Variants in RBFOX1 observed in about 807,000 individuals in gnomAD.
RBFOX1 encodes the protein RNA binding fox-1 homolog 1, also known as RNA binding protein fox-1 homolog 1.
Under a neutral mutation model 57.7 loss-of-function variants are expected in RBFOX1, and 8 were observed. That is an observed-to-expected ratio of 0.14 (90% CI 0.08 to 0.25). RBFOX1 has a LOEUF of 0.25. Ranked by LOEUF, RBFOX1 falls within the 10% of genes least tolerant of loss-of-function variation. The probability of loss-of-function intolerance (pLI) is 1.00; values close to 1 mark genes in which losing one functional copy is unlikely to be tolerated. For missense variants in RBFOX1, 611 were observed against 548.5 expected (o/e 1.11, Z -1.14); for synonymous variants, 326 against 222.4 (o/e 1.47, Z -4.15).
At chr16:6,461,624 A>G (rs1393881424) in intron 2 of RBFOX1, among the ~76,000 whole-genome samples, 1 of 152,198 alleles carries the variant, frequency 6.6e-6, no homozygotes, top group Non-Finnish European at 1.5e-5. Context: ...TTTTTTGTTC[A>G]AACTAAGAAT....
chr16:6,768,444 G>C (rs988270074), intron 3 of RBFOX1, among the ~76,000 whole-genome samples: 3 of 151,742 alleles, frequency 2.0e-5, no homozygotes, highest in African/African-American at 7.3e-5. Context: ...CAGAGAGAGA[G>C]GGAAAATTCC....
intron 3 of RBFOX1, among the ~76,000 whole-genome samples, chr16:7,022,040 TTC>T (rs2039427020): frequency 1.7e-5 from 1 of 58,174 alleles, no homozygotes; most frequent in African/African-American, 7.3e-5. Flanking sequence ...TCCCCTCCCC[TTC>T]CCCCTCCCCT....
At chr16:6,499,847 A>C (rs894012903) in intron 2 of RBFOX1, among the ~76,000 whole-genome samples, 2 of 152,168 alleles carry the variant, frequency 1.3e-5, no homozygotes, top group Non-Finnish European at 2.9e-5. Flanking sequence ...TGTTGCTAAC[A>C]GCTGAATGAA....
chr16:6,410,626 G>T (rs7498552), intron 2 of RBFOX1, among the ~76,000 whole-genome samples: 16,411 of 152,020 alleles, frequency 0.11, 2,020 homozygotes, highest in African/African-American at 0.29. Flanking sequence ...GAGGCCCTGC[G>T]CTAGGAGGAC....
rs142681409 is a variant in RBFOX1 at position 6,847,458 on chromosome 16, G to T, written c.-16+192808G>T. On this transcript the variant is annotated intron_variant, in intron 3 of 15. Transcript: ENST00000550418. ...TCTGTCATCATCTTCACAGCAATGG[G>T]GAGCCACAGGGGGTGGGCTGGAATC... is the stretch of plus-strand genomic sequence containing the variant. Among the ~76,000 whole-genome samples the T allele has an allele frequency of 2.2e-3, 341 of 152,120 alleles. 1 individual carries two copies. Among genetic ancestry groups the T allele is most frequent in the African/African-American group, 7.5e-3 (313 of 41,522 alleles).
intron 3 of RBFOX1, among the ~76,000 whole-genome samples, chr16:5,683,687 A>G (rs1042553320): frequency 6.6e-6 from 1 of 151,492 alleles, no homozygotes; most frequent in Non-Finnish European, 1.5e-5. Context: ...CACACGGCCT[A>G]TTGTGGTCTT....
intron 3 of RBFOX1, among the ~76,000 whole-genome samples, chr16:6,726,436 G>A (rs1274426733): frequency 1.4e-5 from 2 of 147,676 alleles, no homozygotes; most frequent in South Asian, 2.1e-4. Flanking sequence ...ATAAAATCAC[G>A]ACTTGTCTTA....
intron 3 of RBFOX1, among the ~76,000 whole-genome samples, chr16:6,971,992 G>A (rs534126254): frequency 2.0e-5 from 3 of 152,274 alleles, no homozygotes; most frequent in Non-Finnish European, 2.9e-5. Flanking sequence ...ATCCCTGCAC[G>A]CAAGTTTTAC....
chr16:7,049,991 C>T (rs1224395460), intron 3 of RBFOX1, among the ~76,000 whole-genome samples: 10 of 152,178 alleles, frequency 6.6e-5, no homozygotes, highest in Non-Finnish European at 4.4e-5. Flanking sequence ...ACCTCATACC[C>T]ATTAAGCAGT....
intron 1 of RBFOX1, among the ~76,000 whole-genome samples, chr16:6,280,856 C>A (rs998411697): frequency 6.6e-6 from 1 of 151,802 alleles, no homozygotes; most frequent in Admixed American, 6.6e-5. Context: ...TGGCTATTTC[C>A]TTTTCCTTTG....
At chr16:5,660,423 G>T (rs184351542) in intron 3 of RBFOX1, among the ~76,000 whole-genome samples, 18 of 152,310 alleles carry the variant, frequency 1.2e-4, no homozygotes, top group Admixed American at 1.1e-3. Flanking sequence ...CTCAAGGAGA[G>T]ATACTGTCCT....
chr16:5,730,554 C>A (rs72633295), intron 3 of RBFOX1, among the ~76,000 whole-genome samples: 43,041 of 151,946 alleles, frequency 0.28, 7,222 homozygotes, highest in East Asian at 0.8. Context: ...ATAATCATCA[C>A]CACTGCCATC....
intron 1 of RBFOX1, among the ~76,000 whole-genome samples, chr16:5,384,990 C>G (rs1029086855): frequency 6.6e-6 from 1 of 152,160 alleles, no homozygotes; most frequent in Non-Finnish European, 1.5e-5. Context: ...TGCAATCTTT[C>G]CCCCTCAGTG....
At chr16:7,339,807 G>C (rs2096858982) in intron 4 of RBFOX1, among the ~76,000 whole-genome samples, 1 of 152,062 alleles carries the variant, frequency 6.6e-6, no homozygotes, top group Non-Finnish European at 1.5e-5. Context: ...TGGTTAAAGG[G>C]GGAAAAAAAG....
intron 1 of RBFOX1, among the ~76,000 whole-genome samples, chr16:6,235,558 A>ATGTGTGTGTG (rs3064942): frequency 3.3e-4 from 49 of 147,256 alleles, no homozygotes; most frequent in African/African-American, 1.2e-3. Flanking sequence ...GCGTGTATGT[A>ATGTGTGTGTG]TGTGTGTGTG....
chr16:5,600,478 G>T (rs1848174), downstream of RBFOX1, among the ~76,000 whole-genome samples: 2 of 139,568 alleles, frequency 1.4e-5, no homozygotes, highest in East Asian at 4.2e-4. Flanking sequence ...CAGAGTAAGA[G>T]CCTGTCTCAA....
intron 1 of RBFOX1, among the ~76,000 whole-genome samples, chr16:5,320,524 A>T (rs2064373317): frequency 6.6e-6 from 1 of 152,240 alleles, no homozygotes; most frequent in Non-Finnish European, 1.5e-5. Flanking sequence ...CGGAGTCTCC[A>T]TAAAATTCAT....
At chr16:5,336,520 G>A (rs372058998) in intron 1 of RBFOX1, among the ~76,000 whole-genome samples, 29 of 152,294 alleles carry the variant, frequency 1.9e-4, no homozygotes, top group South Asian at 6.2e-4. Flanking sequence ...GTGTGGATGA[G>A]CCGTCCTAGG....
At chr16:7,403,672 G>C (rs2098282521) in intron 4 of RBFOX1, among the ~76,000 whole-genome samples, 1 of 149,504 alleles carries the variant, frequency 6.7e-6, no homozygotes, top group African/African-American at 2.5e-5. Context: ...TCAGCCTCCT[G>C]AATAGCTGGG....
Sources: allele counts gnomAD v4.1 joint callset (sites outside exome capture counted in the v4.1 genomes callset), GRCh38; gene constraint gnomAD v4.1.1; transcripts MANE v1.5; gene names NCBI Gene and HGNC (gene_info 2026-07-23, HGNC 2026-07-21).